DDX19A: variants seen among roughly 807,000 people sequenced by gnomAD.
DDX19A encodes the protein ATP-dependent RNA helicase DDX19A.
DDX19A carries 12 observed loss-of-function variants against 60.6 expected under a neutral mutation model. That is an observed-to-expected ratio of 0.20 (90% CI 0.13 to 0.32). The LOEUF is 0.32. Ranked by LOEUF, DDX19A falls within the 10% of genes least tolerant of loss-of-function variation. The pLI is 1.00. For synonymous variants in DDX19A, 206 were observed against 218.2 expected (o/e 0.94, Z 0.49); for missense variants, 337 against 600.6 (o/e 0.56, Z 4.59).
rs772220711 is a variant in DDX19A at position 70,364,610 on chromosome 16, C to T, written c.454C>T (p.Leu152Phe). Residue 152 changes from leucine (L) to phenylalanine (F), a missense_variant, in exon 6 of 12, where the codon CTC becomes TTC. Physicochemically the swap from Leu to Phe is conservative, Grantham distance 22. Around this residue, in one of 6 missense-constraint regions of DDX19A, gnomAD observed 62 missense variants for 75.7 expected, o/e 0.82. Transcript: ENST00000302243. Reference sequence around the variant, plus strand: ...AACAGCTGCCTTTGTCTTAGCCATGCTCAGCCGAGTGGAGCCATCAGACAG... The same window carrying T: ...AACAGCTGCCTTTGTCTTAGCCATGTTCAGCCGAGTGGAGCCATCAGACAG... ...GKTAAFVLAM[L>F]SRVEPSDRYP... 3 of 1,614,188 alleles carry T rather than the reference C, an allele frequency of 1.9e-6. No homozygotes were observed. The South Asian group carries it at 3.3e-5, about 18-fold the overall frequency.
rs1567653401 is a variant in DDX19A, at chr16:70,360,325, T to TTTC, written c.294-1091_294-1090insCTT. Among the ~76,000 whole-genome samples, 89 of 47,298 alleles carry TTTC rather than the reference T, an allele frequency of 1.9e-3. 2 individuals carry two copies. The highest frequency in any genetic ancestry group is 0.016 in the South Asian group (44 of 2,744). 31.0% of individuals were successfully genotyped at this position (47,298 alleles called of 152,430 possible). On this transcript the variant is annotated intron_variant, in intron 4 of 11. Coordinates refer to ENST00000302243, the MANE Select transcript of DDX19A (RefSeq NM_018332.5). ...TTCTTTTTTCTTTCTTTCTTTCTTTTTTTTTTTTTTTTTAAGAGATGACCT... is the reference window on the plus strand; with the variant it reads ...TTCTTTTTTCTTTCTTTCTTTCTTTTTTCTTTTTTTTTTTTTAAGAGATGACCT...
chr16:70,353,630 G>C (rs1964093845), intron 2 of DDX19A, among the ~76,000 whole-genome samples: 3 of 152,134 alleles, frequency 2.0e-5, no homozygotes, highest in Non-Finnish European at 4.4e-5. Context: ...GCCGGGCACA[G>C]CGGCTCATGC....
At chr16:70,361,042 C>T (rs1466522089) in intron 4 of DDX19A, 3 of 231,494 alleles carry the variant, frequency 1.3e-5, no homozygotes, top group South Asian at 5.3e-5. Context: ...TGTACCTGAC[C>T]TGTTTTTAGA....
intron 1 of DDX19A, among the ~76,000 whole-genome samples, chr16:70,349,569 G>A (rs1963950754): frequency 6.6e-6 from 1 of 152,182 alleles, no homozygotes; most frequent in Non-Finnish European, 1.5e-5. Flanking sequence ...CTTCTGCCCG[G>A]TAGCCATCAG....
rs1208701902 is a variant in DDX19A, at chr16:70,355,530, A to G, written c.152A>G (p.Glu51Gly). Residue 51 changes from glutamate (E) to glycine (G), a missense_variant, in exon 3 of 12, where the codon GAG becomes GGG. Glu to Gly is a moderately conservative substitution (Grantham distance 98, BLOSUM62 -2). Coordinates refer to ENST00000302243, the MANE Select transcript of DDX19A (RefSeq NM_018332.5). ...STTAEKTDEE[E>G]KEDRAAQSLL... Reference sequence around the variant, plus strand: ...ACTGCCGAGAAAACAGATGAAGAGGAGAAAGGTAACTACTTTTGGATGCCC... The same window carrying G: ...ACTGCCGAGAAAACAGATGAAGAGGGGAAAGGTAACTACTTTTGGATGCCC... 6.2e-7 allele frequency: 1 copy of G among 1,613,882 alleles called. No homozygotes were observed. Among genetic ancestry groups the G allele is most frequent in the Admixed American group, 1.7e-5 (1 of 60,012 alleles).
rs773440467 is a variant in DDX19A, at chr16:70,370,196, A to G, written c.1021-27A>G. 15 of 1,603,124 alleles carry G rather than the reference A, an allele frequency of 9.4e-6. No individual in the cohort carries two copies. In the East Asian group the frequency reaches 3.1e-4, roughly 33 times the overall value. ...AAAAAATATATACTCAAATACTTTC[A>G]TTTCTCAATTGTTTTTTTTCTTCCA... On this transcript the variant is annotated intron_variant, in intron 9 of 11. Transcript: ENST00000302243.
At chr16:70,352,634 A>AT (rs11294947) in intron 2 of DDX19A, among the ~76,000 whole-genome samples, 3,105 of 86,126 alleles carry the variant, frequency 0.036, 288 homozygotes, top group East Asian at 0.34. Flanking sequence ...ATCTACCACG[A>AT]TTTTTTTTTT....
chr16:70,349,208 A>G (rs1315498503), intron 1 of DDX19A, among the ~76,000 whole-genome samples: 1 of 152,154 alleles, frequency 6.6e-6, no homozygotes, highest in African/African-American at 2.4e-5. Context: ...TTATCTCCCA[A>G]TGGAGTCCAC....
At chr16:70,359,280 A>G (rs902662316) in intron 4 of DDX19A, among the ~76,000 whole-genome samples, 1 of 152,222 alleles carries the variant, frequency 6.6e-6, no homozygotes, top group Non-Finnish European at 1.5e-5. Flanking sequence ...CCAAGTCAGA[A>G]GCTGCCGAGT....
At chr16:70,370,731 C>T (rs565200158) in intron 10 of DDX19A, 126 of 212,406 alleles carry the variant, frequency 5.9e-4, no homozygotes, top group Non-Finnish European at 1.0e-3. Flanking sequence ...CCCAGTGGCT[C>T]ACGCCTGTAA....
chr16:70,365,811 T>G, intron 7 of DDX19A: 2 of 507,760 alleles, frequency 3.9e-6, no homozygotes, highest in Middle Eastern at 5.5e-4. Flanking sequence ...ATAAAAAGAG[T>G]TGGATGATGT....
chr16:70,352,029 C>T (rs972420983), intron 2 of DDX19A, among the ~76,000 whole-genome samples: 7 of 152,050 alleles, frequency 4.6e-5, no homozygotes, highest in African/African-American at 9.7e-5. Flanking sequence ...CTGGTTAGGA[C>T]TTGAATATAT....
rs190167728 is a variant in DDX19A, at chr16:70,355,097, A to G, written c.107-388A>G. On this transcript the variant is annotated intron_variant, in intron 2 of 11. Coordinates refer to ENST00000302243, the MANE Select transcript of DDX19A (RefSeq NM_018332.5). ...TACTTAAAATAACTTTTCAGGCTGG[A>G]CGCTGTGGCTCACGCCTGTAATCCC... Among the ~76,000 whole-genome samples the G allele has an allele frequency of 4.3e-3, 654 of 152,144 alleles. 6 individuals carry two copies. The highest frequency in any genetic ancestry group is 0.014 in the African/African-American group (566 of 41,518).
intron 2 of DDX19A, among the ~76,000 whole-genome samples, chr16:70,350,962 C>G (rs1391463545): frequency 6.6e-6 from 1 of 151,518 alleles, no homozygotes; most frequent in African/African-American, 2.4e-5. Context: ...ACTGCAAGCT[C>G]TGCCTCCTGG....
intron 4 of DDX19A, among the ~76,000 whole-genome samples, chr16:70,357,110 C>T (rs1964218200): frequency 1.3e-5 from 2 of 150,960 alleles, no homozygotes; most frequent in Non-Finnish European, 3.0e-5. Flanking sequence ...AAAACTTAGC[C>T]AGGTGTGATA....
chr16:70,366,312 C>T, intron 8 of DDX19A, 50 bp downstream of exon 8: 3 of 1,610,186 alleles, frequency 1.9e-6, no homozygotes, highest in Non-Finnish European at 1.7e-6. Context: ...TCTGCAGTGT[C>T]TTCTCCCTTC....
chr16:70,367,872 G>A (rs1340421273), intron 9 of DDX19A, among the ~76,000 whole-genome samples: 4 of 146,136 alleles, frequency 2.7e-5, no homozygotes, highest in East Asian at 2.0e-4. Flanking sequence ...GCGAGACTCC[G>A]TCTCAAAAAA....
chr16:70,351,257 G>A (rs1201470857), intron 2 of DDX19A, among the ~76,000 whole-genome samples: 1 of 151,760 alleles, frequency 6.6e-6, no homozygotes, highest in Non-Finnish European at 1.5e-5. Context: ...GCAGGCTAGA[G>A]TGGAGTGGCG....
chr16:70,355,985 A>G, intron 3 of DDX19A, 127 bp from the exon 4 acceptor site: 5 of 1,174,442 alleles, frequency 4.3e-6, no homozygotes, highest in Non-Finnish European at 6.1e-6. Context: ...GAGACCTATC[A>G]GTGTGATGGT....
Sources: allele counts gnomAD v4.1 joint callset (sites outside exome capture counted in the v4.1 genomes callset), GRCh38; gene constraint gnomAD v4.1.1; regional missense constraint gnomAD v4.1.1; transcripts MANE v1.5; gene names NCBI Gene and HGNC (gene_info 2026-07-23, HGNC 2026-07-21).